The following MBP variants were observed in gnomAD, a reference collection of about 807,000 sequenced individuals.
MBP encodes Golli-MBP.
A neutral mutation model predicts 35.8 loss-of-function variants in MBP; 16 were observed. That is an observed-to-expected ratio of 0.45 (90% confidence interval 0.30 to 0.68). MBP has a LOEUF of 0.68. MBP is among the 30% of genes least tolerant of loss of function. The pLI is 0.08. For synonymous variants in MBP, 143 were observed against 159.6 expected (o/e 0.90, Z 0.78); for missense variants, 380 against 404.7 (o/e 0.94, Z 0.52).
chr18:77,070,999 C>T (rs1325396368), intron 2 of MBP, among the ~76,000 whole-genome samples: 1 of 152,170 alleles, frequency 6.6e-6, no homozygotes, highest in Non-Finnish European at 1.5e-5. Context: ...GGCACACACG[C>T]ACACGCACAT....
chr18:77,082,098 C>T (rs925348644), intron 2 of MBP, among the ~76,000 whole-genome samples: 7 of 151,858 alleles, frequency 4.6e-5, no homozygotes, highest in East Asian at 1.9e-4. Flanking sequence ...GTGATCCGCC[C>T]GCCTCGGCCT....
At chr18:76,990,966 T>C in intron 4 of MBP, 1 of 254,226 alleles carries the variant, frequency 3.9e-6, no homozygotes, top group South Asian at 3.1e-5. Flanking sequence ...CAAGGGGGAT[T>C]CCATCTGAGA....
intron 3 of MBP, among the ~76,000 whole-genome samples, chr18:77,034,204 C>T (rs950685994): frequency 1.3e-5 from 2 of 152,036 alleles, no homozygotes; most frequent in African/African-American, 4.8e-5. Context: ...GCCTTGAAGA[C>T]AGAGGGGACC....
chr18:77,017,218 C>A lies in MBP; in HGVS notation c.190G>T (p.Val64Leu). The change falls in exon 4 of 9, where the codon GTG becomes TTG. Residue 64 changes from valine to leucine, a missense_variant. By Grantham distance (32) the Val-to-Leu change is conservative (BLOSUM62 1). Coordinates refer to ENST00000355994, the MANE Select transcript of MBP (RefSeq NM_001025101.2). Reference protein sequence around the residue: ...NNGTSSQDTAVTDSKRTADPK... With the variant: ...NNGTSSQDTALTDSKRTADPK... ...TCCGCTGTGCGCTTGGAGTCAGTCA[C>A]CGCTGTGTCCTGAGAGGAGGTCCCA... 6.6e-7 allele frequency: 1 copy of A among 1,523,914 alleles called. No individual in the cohort carries two copies. The allele number at this position is 1,523,914 out of a possible 1,614,324, so 94.4% of individuals were successfully genotyped here.
At chr18:77,047,563 T>C (rs958179067) in intron 3 of MBP, among the ~76,000 whole-genome samples, 4 of 152,206 alleles carry the variant, frequency 2.6e-5, no homozygotes, top group African/African-American at 4.8e-5. Context: ...TAGTTAACGA[T>C]GGTTGCACAG....
chr18:77,041,133 T>C (rs1251572325), intron 3 of MBP, among the ~76,000 whole-genome samples: 4 of 152,164 alleles, frequency 2.6e-5, no homozygotes, highest in African/African-American at 9.7e-5. Context: ...GAACAGACAC[T>C]TCTCAAAAGA....
Position 77,132,695 on chromosome 18 carries a change from C to T in MBP, c.-141G>A, listed in dbSNP as rs1443844382. 4 of 151,760 alleles carry T rather than the reference C, an allele frequency of 2.6e-5. No individual in the cohort carries two copies. The highest frequency in any genetic ancestry group is 6.6e-5 in the Admixed American group (1 of 15,260). The allele number at this position is 151,760 out of a possible 1,614,324, so 9.4% of individuals were successfully genotyped here. On this transcript the variant is annotated 5_prime_UTR_variant, in exon 1 of 9. Coordinates refer to ENST00000355994, the MANE Select transcript of MBP (RefSeq NM_001025101.2). Reference sequence around the variant, plus strand: ...CTTCAAGCGCCCACGCGCGGGGTCCCCGGGCAGCCTGCTTCGCCTTCCGGG... The same window carrying T: ...CTTCAAGCGCCCACGCGCGGGGTCCTCGGGCAGCCTGCTTCGCCTTCCGGG...
chr18:77,000,911 G>A (rs1970595706), intron 4 of MBP, among the ~76,000 whole-genome samples: 1 of 152,164 alleles, frequency 6.6e-6, no homozygotes, highest in Non-Finnish European at 1.5e-5. Context: ...TACGTTGATG[G>A]AGTCACTCCC....
intron 1 of MBP, among the ~76,000 whole-genome samples, chr18:77,125,609 T>C (rs571373729): frequency 1.3e-4 from 20 of 152,314 alleles, no homozygotes; most frequent in Admixed American, 9.1e-4. Context: ...ATTTGCAGTT[T>C]GCTGGTTTCC....
chr18:77,034,873 A>C (rs1156470530), intron 3 of MBP, among the ~76,000 whole-genome samples: 2 of 152,024 alleles, frequency 1.3e-5, no homozygotes, highest in African/African-American at 4.8e-5. Flanking sequence ...CCATTATCTC[A>C]GCCCTCTTTA....
intron 1 of MBP, among the ~76,000 whole-genome samples, chr18:77,118,661 CA>C (rs1976783840): frequency 4.5e-5 from 6 of 134,066 alleles, no homozygotes; most frequent in African/African-American, 6.8e-5. Flanking sequence ...CACACACACA[CA>C]CTACATACCA....
intron 4 of MBP, chr18:77,005,811 C>T (rs1252063826): frequency 6.6e-6 from 1 of 152,478 alleles, no homozygotes; most frequent in Non-Finnish European, 1.5e-5. Flanking sequence ...GGCCAGGCCT[C>T]TTCCAGAATA....
intron 3 of MBP, among the ~76,000 whole-genome samples, chr18:77,061,127 G>A (rs185928599): frequency 0.027 from 4,060 of 152,256 alleles, 111 homozygotes; most frequent in East Asian, 0.099. Flanking sequence ...CTGATGGCTA[G>A]ACACAGGGAT....
At chr18:77,013,326 C>A (rs1971452531) in intron 4 of MBP, 5 of 985,296 alleles carry the variant, frequency 5.1e-6, no homozygotes, top group South Asian at 4.7e-5. Flanking sequence ...AGGGAGGACA[C>A]CCCTGTGTGT....
intron 3 of MBP, among the ~76,000 whole-genome samples, chr18:77,055,585 T>TTCTCTCTCTCTC (rs138095026): frequency 1.7e-4 from 25 of 151,184 alleles, no homozygotes; most frequent in Middle Eastern, 3.4e-3. Context: ...TTCTCTTTCT[T>TTCTCTCTCTCTC]TCTCTCTCTC....
chr18:76,999,358 G>A (rs527969804), intron 4 of MBP, among the ~76,000 whole-genome samples: 17 of 152,212 alleles, frequency 1.1e-4, no homozygotes, highest in African/African-American at 4.1e-4. Context: ...TCTGAGCTGC[G>A]GCCCCAGGAA....
chr18:77,130,046 CAAA>C (rs35240388), intron 1 of MBP, among the ~76,000 whole-genome samples: 2 of 129,330 alleles, frequency 1.5e-5, no homozygotes, highest in Non-Finnish European at 1.6e-5. Context: ...AAGACTCTGT[CAAA>C]AAAAAAAAAA....
Position 76,979,555 on chromosome 18 carries a change from T to C in MBP, c.*872A>G, listed in dbSNP as rs1009375491. 4 of 222,312 alleles carry C rather than the reference T, an allele frequency of 1.8e-5. No homozygotes were observed. The highest frequency in any genetic ancestry group is 9.3e-5 in the African/African-American group (4 of 43,034). The allele number at this position is 222,312 out of a possible 1,614,324, so 13.8% of individuals were successfully genotyped here. On this transcript the variant is annotated 3_prime_UTR_variant, in exon 9 of 9. Coordinates refer to ENST00000355994, the MANE Select transcript of MBP (RefSeq NM_001025101.2). ...TACCCTTCTGCTCTGAGTGCGCAAG[T>C]CTTCCTGGACTCTCCGGCTGTGGGC...
At chr18:77,038,200 A>G (rs1347936428) in intron 3 of MBP, among the ~76,000 whole-genome samples, 1 of 152,252 alleles carries the variant, frequency 6.6e-6, no homozygotes, top group Non-Finnish European at 1.5e-5. Context: ...CAGAAACCTT[A>G]GCTTCAAGGG....
Sources: gnomAD v4.1 joint callset for allele counts (sites outside exome capture counted in the v4.1 genomes callset) on GRCh38, gnomAD v4.1.1 for gene constraint, MANE v1.5 for transcripts, NCBI Gene and HGNC (gene_info 2026-07-23, HGNC 2026-07-21) for gene names.